ADNP: variants seen among roughly 807,000 people sequenced by gnomAD.
The protein encoded by ADNP is activity dependent neuroprotector homeobox, also known as activity-dependent neuroprotector homeobox protein.
Under a neutral mutation model 84.9 loss-of-function variants are expected in ADNP, and 4 were observed. That is an observed-to-expected ratio of 0.05 (90% CI 0.02 to 0.11). ADNP has a LOEUF of 0.11. Ranked by LOEUF, ADNP falls within the 10% of genes least tolerant of loss-of-function variation. The pLI, the probability that ADNP is intolerant of heterozygous loss-of-function variation, is 1.00. For missense variants in ADNP, 1,132 were observed against 1,326.0 expected, an observed-to-expected ratio of 0.85 and a Z score of 2.27; for synonymous variants, 554 against 468.1, an observed-to-expected ratio of 1.18 and a Z score of -2.37.
intron 1 of ADNP, among the ~76,000 whole-genome samples, 198 bp downstream of exon 1, chr20:50,930,628 G>C (rs923253183): frequency 6.6e-6 from 1 of 152,118 alleles, no homozygotes; most frequent in African/African-American, 2.4e-5. Context: ...GAGCAGAGTC[G>C]GGTAGCGGTC....
chr20:50,906,963 G>GT (rs751919326), intron 2 of ADNP, among the ~76,000 whole-genome samples: 23,282 of 116,560 alleles, frequency 0.2, 2,545 homozygotes, highest in Admixed American at 0.22. Flanking sequence ...CAGGGTTCCA[G>GT]TTTTTTTTTT....
intron 2 of ADNP, among the ~76,000 whole-genome samples, chr20:50,906,445 T>C (rs1982484079): frequency 6.6e-6 from 1 of 152,190 alleles, no homozygotes; most frequent in African/African-American, 2.4e-5. Flanking sequence ...ACTTCCTGAG[T>C]TAACTCTGCT....
chr20:50,891,837 T>G lies in ADNP; in HGVS notation c.2877A>C (p.Gln959His). The change falls in exon 6 of 6, where the codon CAA becomes CAC. Residue 959 changes from glutamine to histidine, a missense_variant. Gln to His is a conservative substitution (Grantham distance 24). Coordinates refer to ENST00000621696, the MANE Select transcript of ADNP (RefSeq NM_001282531.3). ...CGTCTTTCCACTCAACAACATCGTC[T>G]TGGTCAACCTCACTATCAGATGCAT... is the stretch of plus-strand genomic sequence containing the variant. ...MHNASDSEVD[Q>H]DDVVEWKDGA... 6.2e-7 allele frequency: 1 copy of G among 1,614,254 alleles called. No individual in the cohort carries two copies. Among genetic ancestry groups the G allele is most frequent in the Non-Finnish European group, 8.5e-7 (1 of 1,180,038 alleles).
intron 2 of ADNP, among the ~76,000 whole-genome samples, chr20:50,906,360 A>G (rs1443113021): frequency 6.6e-6 from 1 of 152,236 alleles, no homozygotes; most frequent in Non-Finnish European, 1.5e-5. Context: ...ACAGATACCT[A>G]AGACTGGGAA....
chr20:50,923,348 G>C (rs1004821150), intron 2 of ADNP, among the ~76,000 whole-genome samples: 1 of 152,142 alleles, frequency 6.6e-6, no homozygotes, highest in Non-Finnish European at 1.5e-5. Context: ...TTGAGTAACA[G>C]AATATTTAAA....
At chr20:50,916,913 G>C (rs961693031) in intron 2 of ADNP, among the ~76,000 whole-genome samples, 1 of 152,136 alleles carries the variant, frequency 6.6e-6, no homozygotes, top group East Asian at 1.9e-4. Context: ...CAGGCCTTAG[G>C]AAAGTCAAAA....
chr20:50,890,945 C>T lies in ADNP; in HGVS notation c.*460G>A. ...ACTTGAATAGGTCTAAAAGACTGTA[C>T]AAATATACATTTCAACTATTCAGAA... On this transcript the variant is annotated 3_prime_UTR_variant, in exon 6 of 6. Transcript: ENST00000621696. 1 of 988,410 alleles carries T rather than the reference C, an allele frequency of 1.0e-6. No individual in the cohort carries two copies. Among genetic ancestry groups the T allele is most frequent in the Non-Finnish European group, 1.2e-6 (1 of 832,202 alleles). 61.2% of individuals were successfully genotyped at this position (988,410 alleles called of 1,614,324 possible). A position where few individuals can be genotyped will look rare whatever the true frequency, so the allele number is the denominator to read the frequency against.
At chr20:50,911,418 A>G (rs1983021686) in intron 2 of ADNP, among the ~76,000 whole-genome samples, 1 of 152,186 alleles carries the variant, frequency 6.6e-6, no homozygotes, top group South Asian at 2.1e-4. Flanking sequence ...GCACTATGGC[A>G]ATCCAATTTT....
At chr20:50,926,598 C>T (rs1984304347) in intron 2 of ADNP, among the ~76,000 whole-genome samples, 1 of 152,084 alleles carries the variant, frequency 6.6e-6, no homozygotes, top group South Asian at 2.1e-4. Flanking sequence ...TGTACTTTCC[C>T]CAAACTACAC....
intron 5 of ADNP, among the ~76,000 whole-genome samples, chr20:50,896,176 G>C (rs1272323047): frequency 2.0e-5 from 3 of 152,194 alleles, no homozygotes; most frequent in Admixed American, 6.5e-5. Flanking sequence ...AGTGAGCCAA[G>C]ATCACAGCAC....
At chr20:50,894,604 T>C (rs1007468963) in intron 5 of ADNP, 92 bp from the exon 6 acceptor site, 9 of 1,404,300 alleles carry the variant, frequency 6.4e-6, no homozygotes, top group African/African-American at 1.5e-5. Flanking sequence ...TAATAATGCA[T>C]TGATTTTAGG....
chr20:50,909,373 A>G (rs1982817625), intron 2 of ADNP: 1 of 146,322 alleles, frequency 6.8e-6, no homozygotes, highest in African/African-American at 2.5e-5. Flanking sequence ...CAAAAAAAAA[A>G]AAAAAAAAAA....
chr20:50,891,010 A>G lies in ADNP; in HGVS notation c.*395T>C, dbSNP rs940226686. On this transcript the variant is annotated 3_prime_UTR_variant, in exon 6 of 6. Coordinates refer to ENST00000621696, the MANE Select transcript of ADNP (RefSeq NM_001282531.3). The stretch of plus-strand genomic sequence containing the variant: ...AAAATCGCTTTTCCCAAAGTCTACT[A>G]TACACATTAGACTGGTAGCTTGTAT... 14 of 1,013,618 alleles carry G rather than the reference A, an allele frequency of 1.4e-5. No individual in the cohort carries two copies. The South Asian group carries it at 5.8e-4, about 42-fold the overall frequency. 62.8% of individuals were successfully genotyped at this position (1,013,618 alleles called of 1,614,324 possible).
At position 50,891,542 on chromosome 20, in the gene ADNP, A is replaced by G. The variant is rs755727938; in HGVS notation, c.3172T>C (p.Ser1058Pro). The G allele has an allele frequency of 4.3e-6, 7 of 1,611,948 alleles. No homozygotes were observed. Among genetic ancestry groups the G allele is most frequent in the East Asian group, 2.2e-5 (1 of 44,904 alleles). The change falls in exon 6 of 6, where the codon TCT (serine) becomes CCT (proline). Residue 1058 changes from serine (S) to proline (P), a missense_variant. By Grantham distance (74) the Ser-to-Pro change is moderately conservative (BLOSUM62 -1). Coordinates refer to ENST00000621696, the MANE Select transcript of ADNP (RefSeq NM_001282531.3). ...KNASENDERL[S>P]NPQIEWQNST... The stretch of plus-strand genomic sequence containing the variant: ...TTCTGCCACTCAATCTGGGGGTTAG[A>G]TAAGCGCTCATCATTCTCAGATGCA...
At position 50,897,322 on chromosome 20, in the gene ADNP, C is replaced by T. The variant is rs116254362; in HGVS notation, c.202-2810G>A. Among the ~76,000 whole-genome samples the T allele has an allele frequency of 8.5e-3, 1,290 of 152,292 alleles. 21 individuals carry two copies. Among genetic ancestry groups the T allele is most frequent in the African/African-American group, 0.029 (1,217 of 41,548 alleles). On this transcript the variant is annotated intron_variant, in intron 5 of 5. Coordinates refer to ENST00000621696, the MANE Select transcript of ADNP (RefSeq NM_001282531.3). ...AATTTTCTTGAGGGTTCTTCTTTTG[C>T]TTTTCCTGCAGTTTCCTTTTCTCTT...
intron 2 of ADNP, among the ~76,000 whole-genome samples, chr20:50,912,145 T>C (rs552131072): frequency 3.9e-5 from 6 of 152,328 alleles, no homozygotes; most frequent in African/African-American, 1.4e-4. Context: ...GCACTTAGCC[T>C]AAACTAGTGA....
At chr20:50,915,800 G>A (rs928105521) in intron 2 of ADNP, among the ~76,000 whole-genome samples, 17 of 152,274 alleles carry the variant, frequency 1.1e-4, no homozygotes, top group African/African-American at 4.1e-4. Flanking sequence ...AGGGGGGTGA[G>A]GGAATTAGAG....
chr20:50,922,871 C>G (rs944233115), intron 2 of ADNP, among the ~76,000 whole-genome samples: 1 of 152,026 alleles, frequency 6.6e-6, no homozygotes, highest in Non-Finnish European at 1.5e-5. Context: ...CGTGAGCCAC[C>G]GCGCCTGGCC....
intron 2 of ADNP, among the ~76,000 whole-genome samples, chr20:50,905,883 A>G (rs2122855422): frequency 6.6e-6 from 1 of 152,334 alleles, no homozygotes; most frequent in South Asian, 2.1e-4. Context: ...TGGTGGCTTA[A>G]AACCAGCAAA....
Sources: allele counts gnomAD v4.1 joint callset (sites outside exome capture counted in the v4.1 genomes callset), GRCh38; gene constraint gnomAD v4.1.1; transcripts MANE v1.5; gene names NCBI Gene and HGNC (gene_info 2026-07-23, HGNC 2026-07-21).